The following DYNLL1 variants were observed in gnomAD, a reference collection of about 807,000 sequenced individuals.
DYNLL1 encodes dynein light chain 1, cytoplasmic.
Under a neutral mutation model 10.1 loss-of-function variants are expected in DYNLL1, and 3 were observed. The observed-to-expected ratio is 0.30, with a 90% CI of 0.14 to 0.77. The LOEUF (loss-of-function observed/expected upper bound fraction) is 0.77, where lower values mean the gene tolerates loss of function less well. DYNLL1 is among the 30% of genes least tolerant of loss of function. The pLI is 0.66. For synonymous variants in DYNLL1, 46 were observed against 41.2 expected (o/e 1.12, Z -0.45); for missense variants, 47 against 111.7 (o/e 0.42, Z 2.61).
At chr12:120,483,352 AG>A (rs1170340943) in intron 1 of DYNLL1, among the ~76,000 whole-genome samples, 1 of 151,438 alleles carries the variant, frequency 6.6e-6, no homozygotes, top group Non-Finnish European at 1.5e-5. Flanking sequence ...AAAAAAAAAA[AG>A]GTCAGAAGAA....
At chr12:120,492,145 T>A (rs1191954270), upstream of DYNLL1, 2 of 152,206 alleles carry the variant, frequency 1.3e-5, no homozygotes, top group African/African-American at 4.8e-5. The surrounding 1 kb of genome is among the most constrained non-coding windows in gnomAD (Gnocchi z 4.1). Flanking sequence ...TCTTACCTTG[T>A]AGAATTGTTA....
At chr12:120,470,688 T>G (rs556240869) in intron 1 of DYNLL1, among the ~76,000 whole-genome samples, 1 of 152,206 alleles carries the variant, frequency 6.6e-6, no homozygotes, top group East Asian at 1.9e-4. Context: ...CCTCCAGCCT[T>G]GGCCTCCCAA....
chr12:120,490,468 G>C (rs975078292), intron 1 of DYNLL1: 1 of 152,194 alleles, frequency 6.6e-6, no homozygotes, highest in Non-Finnish European at 1.5e-5. Context: ...TACAGATCCC[G>C]CCTCTTAGTC....
chr12:120,485,407 C>G (rs912105152), intron 1 of DYNLL1, among the ~76,000 whole-genome samples: 4 of 151,966 alleles, frequency 2.6e-5, no homozygotes, highest in South Asian at 4.2e-4. Flanking sequence ...AGGCGCCCAC[C>G]ACCACACCCA....
At position 120,496,556 on chromosome 12, in the gene DYNLL1, G is replaced by T; in HGVS notation, c.132+3G>T. On this transcript the variant is annotated splice_donor_region_variant and intron_variant, in intron 2 of 2. Transcript: ENST00000242577. ...ACATTGCGGCTCATATCAAGAAGGTGAGGATGGGCGCGGGGGCCGATACGC... is the reference window on the plus strand; with the variant it reads ...ACATTGCGGCTCATATCAAGAAGGTTAGGATGGGCGCGGGGGCCGATACGC... 1 of 1,613,820 alleles carries T rather than the reference G, an allele frequency of 6.2e-7. No individual in the cohort carries two copies. The highest frequency in any genetic ancestry group is 8.5e-7 in the Non-Finnish European group (1 of 1,179,934).
chr12:120,496,951 A>G (rs1176156137), intron 2 of DYNLL1: 4 of 91,768 alleles, frequency 4.4e-5, no homozygotes, highest in Admixed American at 1.4e-4. Context: ...AGTTGAGGGA[A>G]GGTGGTGGGT....
chr12:120,477,127 C>T (rs2137058220), intron 1 of DYNLL1, among the ~76,000 whole-genome samples: 1 of 152,148 alleles, frequency 6.6e-6, no homozygotes, highest in East Asian at 1.9e-4. Context: ...TTGGGTTTCA[C>T]CATGTTGGCC....
At chr12:120,482,221 G>C (rs1878894154) in intron 1 of DYNLL1, among the ~76,000 whole-genome samples, 1 of 152,172 alleles carries the variant, frequency 6.6e-6, no homozygotes, top group Non-Finnish European at 1.5e-5. Flanking sequence ...ATCGCTGGAG[G>C]CCAGGAGTTT....
intron 1 of DYNLL1, among the ~76,000 whole-genome samples, chr12:120,472,958 C>T (rs1477730659): frequency 6.6e-6 from 1 of 152,162 alleles, no homozygotes; most frequent in Non-Finnish European, 1.5e-5. Flanking sequence ...TCTGCTAAGG[C>T]CAGAGACTCT....
At chr12:120,493,631 TGA>T (rs572635974), upstream of DYNLL1, among the ~76,000 whole-genome samples, 362 of 151,618 alleles carry the variant, frequency 2.4e-3, 2 homozygotes, top group African/African-American at 8.1e-3. Flanking sequence ...TTATTTTTTT[TGA>T]GAGAGTCTCG....
chr12:120,487,272 C>CTTTT lies in DYNLL1; in HGVS notation c.-6-9109_-6-9106dup, dbSNP rs71076619. 3.4e-4 allele frequency among the ~76,000 whole-genome samples: 17 copies of CTTTT among 50,416 alleles called. 2 individuals carry two copies. The highest frequency in any genetic ancestry group is 1.3e-3 in the African/African-American group (15 of 11,360). 33.1% of individuals were successfully genotyped at this position (50,416 alleles called of 152,430 possible). A position where few individuals can be genotyped will look rare whatever the true frequency, so the allele number is the denominator to read the frequency against. On this transcript the variant is annotated intron_variant, in intron 1 of 2. Transcript: ENST00000392509. ...ACAGGCGTAAGCCACCGTGCCCGGC[C>CTTTT]TTTTTTTTTTTTTTTTTTTTTTTTT...
chr12:120,482,049 A>C (rs1041295999), intron 1 of DYNLL1, among the ~76,000 whole-genome samples: 5 of 152,060 alleles, frequency 3.3e-5, no homozygotes, highest in Admixed American at 6.5e-5. Flanking sequence ...TGTTTAATTC[A>C]CAGGTCCCCA....
intron 1 of DYNLL1, among the ~76,000 whole-genome samples, chr12:120,480,857 T>C (rs1878865057): frequency 6.6e-6 from 1 of 151,996 alleles, no homozygotes; most frequent in South Asian, 2.1e-4. Flanking sequence ...CCTCCCGGGT[T>C]CACGTCATTC....
chr12:120,496,283 T>C, intron 1 of DYNLL1, 67 bp downstream of exon 1: 1 of 1,366,166 alleles, frequency 7.3e-7, no homozygotes, highest in Non-Finnish European at 1.0e-6. Flanking sequence ...GACTTAGCCC[T>C]CCGCGTAGCC....
At chr12:120,493,029 T>C (rs960099314), upstream of DYNLL1, among the ~76,000 whole-genome samples, 5 of 152,140 alleles carry the variant, frequency 3.3e-5, no homozygotes, top group African/African-American at 1.2e-4. Flanking sequence ...TGGAAAACCT[T>C]TGCAATCCGG....
chr12:120,479,470 ATAATAAT>A (rs1204966155), intron 1 of DYNLL1, among the ~76,000 whole-genome samples: 33 of 92,706 alleles, frequency 3.6e-4, no homozygotes, highest in Admixed American at 6.1e-4. Flanking sequence ...AAAAAAAAAA[ATAATAAT>A]AATAATAATA....
chr12:120,480,997 G>T (rs183174107), intron 1 of DYNLL1, among the ~76,000 whole-genome samples: 87 of 152,174 alleles, frequency 5.7e-4, no homozygotes, highest in African/African-American at 2.0e-3. Context: ...CTGACCTCGT[G>T]ATCTGCCCAC....
chr12:120,484,778 AC>A (rs1338579961), intron 1 of DYNLL1, among the ~76,000 whole-genome samples: 4 of 149,824 alleles, frequency 2.7e-5, no homozygotes, highest in Non-Finnish European at 4.4e-5. Flanking sequence ...TCACTGTGAC[AC>A]CCAGGCTGGA....
intron 2 of DYNLL1, chr12:120,496,828 CCCCCTT>C (rs1868434240): frequency 1.7e-6 from 1 of 599,186 alleles, no homozygotes; most frequent in African/African-American, 1.9e-5. Flanking sequence ...AGCAGCGGTT[CCCCCTT>C]CTGTGTGGTT....
Sources: gnomAD v4.1 joint callset for allele counts (sites outside exome capture counted in the v4.1 genomes callset) on GRCh38, gnomAD v4.1.1 for gene constraint, Gnocchi (gnomAD v3.1) non-coding constraint, MANE v1.5 for transcripts, NCBI Gene and HGNC (gene_info 2026-07-23, HGNC 2026-07-21) for gene names.